The following GRID2 variants were observed in gnomAD, a reference collection of about 807,000 sequenced individuals.
GRID2 encodes glutamate ionotropic receptor delta type subunit 2.
A neutral mutation model predicts 114.8 loss-of-function variants in GRID2; 33 were observed. The observed-to-expected ratio is 0.29, with a 90% CI of 0.22 to 0.38. The LOEUF (loss-of-function observed/expected upper bound fraction) is 0.38, where lower values mean the gene tolerates loss of function less well. Ranked by LOEUF, GRID2 falls within the 10% of genes least tolerant of loss-of-function variation. GRID2 has a pLI of 1.00. For synonymous variants in GRID2, 505 were observed against 449.9 expected, an observed-to-expected ratio of 1.12 and a Z score of -1.55; for missense variants, 1,184 against 1,257.7, an observed-to-expected ratio of 0.94 and a Z score of 0.89.
chr4:93,741,183 ATATATATATATATATATG>A (rs1442600962), intron 14 of GRID2, among the ~76,000 whole-genome samples: 894 of 34,578 alleles, frequency 0.026, 57 homozygotes, highest in African/African-American at 0.05. Context: ...ACATATATAT[ATATATATATATATATATG>A]TATATATATA....
chr4:93,307,112 C>T (rs1755510010), intron 8 of GRID2, among the ~76,000 whole-genome samples: 1 of 151,430 alleles, frequency 6.6e-6, no homozygotes, highest in Non-Finnish European at 1.5e-5. Context: ...AGGAGAATTG[C>T]TTGAATGGGG....
chr4:92,365,373 T>C (rs1046895342), intron 1 of GRID2, among the ~76,000 whole-genome samples: 1 of 152,014 alleles, frequency 6.6e-6, no homozygotes, highest in Non-Finnish European at 1.5e-5. Context: ...GTGAAATAAG[T>C]CAGGCACTGA....
At chr4:92,565,749 T>G (rs1727305595) in intron 1 of GRID2, among the ~76,000 whole-genome samples, 1 of 152,018 alleles carries the variant, frequency 6.6e-6, no homozygotes, top group Admixed American at 6.6e-5. Flanking sequence ...TCCCATGTTG[T>G]ATAAGCCCAG....
chr4:92,906,206 T>G lies in GRID2; in HGVS notation c.245-178789T>G, dbSNP rs190448010. Among the ~76,000 whole-genome samples the G allele has an allele frequency of 2.4e-4, 37 of 152,354 alleles. No individual in the cohort carries two copies. The East Asian group carries it at 3.5e-3, about 14-fold the overall frequency. Reference sequence around the variant, plus strand: ...CAAATTGATTATTTGAAAATTTGATTATTTGACAATTTGGATTTTAGAAAT... The same window carrying G: ...CAAATTGATTATTTGAAAATTTGATGATTTGACAATTTGGATTTTAGAAAT... On this transcript the variant is annotated intron_variant, in intron 2 of 15. Coordinates refer to ENST00000282020, the MANE Select transcript of GRID2 (RefSeq NM_001510.4).
At chr4:92,504,027 G>A (rs942820815) in intron 1 of GRID2, among the ~76,000 whole-genome samples, 2 of 152,002 alleles carry the variant, frequency 1.3e-5, no homozygotes, top group South Asian at 2.1e-4. Context: ...GACCAAAAAT[G>A]TGTAGTACAT....
intron 1 of GRID2, among the ~76,000 whole-genome samples, chr4:93,788,794 A>G (rs542218651): frequency 6.6e-6 from 1 of 152,242 alleles, no homozygotes; most frequent in Admixed American, 6.5e-5. Flanking sequence ...CACTTCATCA[A>G]TATCACTGCA....
At chr4:92,430,278 T>C (rs932737108) in intron 1 of GRID2, among the ~76,000 whole-genome samples, 1 of 152,160 alleles carries the variant, frequency 6.6e-6, no homozygotes, top group Non-Finnish European at 1.5e-5. Flanking sequence ...GTTTTATTTT[T>C]GTATGTGGTG....
At chr4:92,676,030 C>T (rs1733339177) in intron 2 of GRID2, among the ~76,000 whole-genome samples, 1 of 151,958 alleles carries the variant, frequency 6.6e-6, no homozygotes, top group African/African-American at 2.4e-5. Flanking sequence ...CCTAATTATT[C>T]ATGGAAGAGG....
At chr4:92,644,648 T>C (rs1731523093) in intron 2 of GRID2, among the ~76,000 whole-genome samples, 1 of 151,708 alleles carries the variant, frequency 6.6e-6, no homozygotes, top group Non-Finnish European at 1.5e-5. Context: ...AGGTTTTGTT[T>C]CCTGTTTGTC....
intron 8 of GRID2, among the ~76,000 whole-genome samples, chr4:93,310,690 C>A (rs1298166546): frequency 6.6e-6 from 1 of 152,094 alleles, no homozygotes; most frequent in Admixed American, 6.5e-5. Flanking sequence ...GTATTGGAAC[C>A]TAATTGCATT....
chr4:93,263,977 G>A (rs2149554062), intron 8 of GRID2, among the ~76,000 whole-genome samples: 1 of 152,236 alleles, frequency 6.6e-6, no homozygotes, highest in East Asian at 1.9e-4. Flanking sequence ...TCAGAAAAGA[G>A]TTGCATTTTG....
intron 2 of GRID2, among the ~76,000 whole-genome samples, chr4:92,807,617 A>G (rs1440528822): frequency 6.6e-6 from 1 of 152,012 alleles, no homozygotes; most frequent in African/African-American, 2.4e-5. Flanking sequence ...GACATGAGAC[A>G]TTGGCCAATT....
chr4:93,478,030 T>C (rs1725485567), intron 11 of GRID2, among the ~76,000 whole-genome samples: 1 of 152,148 alleles, frequency 6.6e-6, no homozygotes, highest in African/African-American at 2.4e-5. Flanking sequence ...AACATACAAC[T>C]GTGTCAAATT....
intron 1 of GRID2, among the ~76,000 whole-genome samples, chr4:92,326,867 G>A (rs944324914): frequency 2.0e-5 from 3 of 151,974 alleles, no homozygotes; most frequent in Non-Finnish European, 2.9e-5. Flanking sequence ...GTCAAGAACA[G>A]TTTTCACTGG....
At chr4:92,840,268 C>T (rs1466300819) in intron 2 of GRID2, among the ~76,000 whole-genome samples, 1 of 151,874 alleles carries the variant, frequency 6.6e-6, no homozygotes, top group East Asian at 1.9e-4. Flanking sequence ...TTTTTTCATC[C>T]ATTCAACCAG....
intron 2 of GRID2, among the ~76,000 whole-genome samples, chr4:92,765,845 T>C (rs1181017942): frequency 6.6e-6 from 1 of 152,190 alleles, no homozygotes; most frequent in African/African-American, 2.4e-5. Context: ...ACTCAAGGCA[T>C]GTGCAAGATT....
intron 4 of GRID2, among the ~76,000 whole-genome samples, chr4:93,147,492 A>T (rs1320431240): frequency 6.6e-6 from 1 of 152,184 alleles, no homozygotes; most frequent in Non-Finnish European, 1.5e-5. Flanking sequence ...TTTAATACTC[A>T]TGGAAAAACA....
At chr4:93,264,021 C>T (rs1393442936) in intron 8 of GRID2, among the ~76,000 whole-genome samples, 3 of 152,098 alleles carry the variant, frequency 2.0e-5, no homozygotes, top group Non-Finnish European at 4.4e-5. Context: ...TCTCTGATGA[C>T]CATTCTTGCT....
Position 93,644,033 on chromosome 4 carries a change from C to T in GRID2, c.2360+17598C>T, listed in dbSNP as rs1392459385. ...TCTCGTGGTGCGCCGTTTCTTAAGC[C>T]GGTCTGAAAAGCGCAATATTCGGGT... On this transcript the variant is annotated intron_variant, in intron 14 of 15. Transcript: ENST00000282020. Among the ~76,000 whole-genome samples, 6 of 82,436 alleles carry T rather than the reference C, an allele frequency of 7.3e-5. 1 individual carries two copies. Among genetic ancestry groups the T allele is most frequent in the Admixed American group, 3.1e-4 (3 of 9,652 alleles). The allele number at this position is 82,436 out of a possible 152,430, so 54.1% of individuals were successfully genotyped here.
Sources: gnomAD v4.1 joint callset for allele counts (sites outside exome capture counted in the v4.1 genomes callset) on GRCh38, gnomAD v4.1.1 for gene constraint, MANE v1.5 for transcripts, NCBI Gene and HGNC (gene_info 2026-07-23, HGNC 2026-07-21) for gene names.